HEATR4: variants seen among roughly 807,000 people sequenced by gnomAD.
HEATR4 encodes HEAT repeat-containing protein 4.
HEATR4 carries 95 observed loss-of-function variants against 108.8 expected under a neutral mutation model. The observed-to-expected ratio is 0.87, with a 90% CI of 0.74 to 1.04. The LOEUF (loss-of-function observed/expected upper bound fraction) is 1.04, where lower values mean the gene tolerates loss of function less well. Among genes scored for constraint, HEATR4 ranks in the 50% least tolerant of loss-of-function variants. The pLI, the probability that HEATR4 is intolerant of heterozygous loss-of-function variation, is 0.00. For synonymous variants in HEATR4, 443 were observed against 459.4 expected (o/e 0.96, Z 0.46); for missense variants, 1,152 against 1,253.8 (o/e 0.92, Z 1.23).
At chr14:73,516,736 G>A (rs1887624404) in intron 5 of HEATR4, among the ~76,000 whole-genome samples, 1 of 152,174 alleles carries the variant, frequency 6.6e-6, no homozygotes, top group African/African-American at 2.4e-5. Context: ...TTACCAGTGA[G>A]CTCTGCCTCC....
chr14:73,606,248 C>T, the HEATR4 span, among the ~76,000 whole-genome samples: 3 of 151,966 alleles, frequency 2.0e-5, no homozygotes, highest in Admixed American at 6.6e-5. Flanking sequence ...CCCAGCTACT[C>T]GGGAGGCTGA....
At chr14:73,569,250 A>C in the HEATR4 span, 1 of 1,613,576 alleles carries the variant, frequency 6.2e-7, no homozygotes, top group South Asian at 1.1e-5. Context: ...GATGTCTAAC[A>C]AGCTTCTTTC....
intron 2 of HEATR4, among the ~76,000 whole-genome samples, chr14:73,525,999 A>G (rs1045611950): frequency 6.6e-6 from 1 of 151,474 alleles, no homozygotes; most frequent in Non-Finnish European, 1.5e-5. Flanking sequence ...AAATCAGGTG[A>G]GTGATCACAG....
upstream of HEATR4, among the ~76,000 whole-genome samples, chr14:73,560,728 G>A (rs1889519521): frequency 6.6e-6 from 1 of 151,844 alleles, no homozygotes. Flanking sequence ...AAGGCAGGAG[G>A]ATCATTTGAG....
intron 2 of HEATR4, among the ~76,000 whole-genome samples, chr14:73,524,310 A>AAAAAAATATATATATATATATATATAT: frequency 1.8e-5 from 1 of 54,788 alleles, no homozygotes; most frequent in African/African-American, 8.8e-5. Flanking sequence ...AAAAAAAAAA[A>AAAAAAATATATATATATATATATATAT]ATATATATAT....
chr14:73,607,235 G>C, the HEATR4 span, among the ~76,000 whole-genome samples: 1 of 152,192 alleles, frequency 6.6e-6, no homozygotes, highest in Admixed American at 6.5e-5. Context: ...GCTTGAACCT[G>C]GGAAGCAGAG....
At chr14:73,496,081 G>A (rs1886090497) in intron 15 of HEATR4, among the ~76,000 whole-genome samples, 1 of 152,106 alleles carries the variant, frequency 6.6e-6, no homozygotes, top group Non-Finnish European at 1.5e-5. Flanking sequence ...AGTGAGCCAA[G>A]ATCACACCAC....
At chr14:73,528,601 C>A (rs1888509762) in intron 2 of HEATR4, among the ~76,000 whole-genome samples, 1 of 152,034 alleles carries the variant, frequency 6.6e-6, no homozygotes, top group Admixed American at 6.6e-5. Context: ...TTGTGCACTT[C>A]CCAGTCATGT....
the HEATR4 span, chr14:73,617,254 C>G: frequency 6.3e-7 from 1 of 1,597,108 alleles, no homozygotes; most frequent in African/African-American, 1.3e-5. Flanking sequence ...AGGGCTGAAT[C>G]CAAAAGCCCT....
chr14:73,618,058 G>A, the HEATR4 span, among the ~76,000 whole-genome samples: 1 of 151,918 alleles, frequency 6.6e-6, no homozygotes, highest in Non-Finnish European at 1.5e-5. Flanking sequence ...CAGGAGAATT[G>A]CTCGAACTCA....
the HEATR4 span, among the ~76,000 whole-genome samples, chr14:73,599,270 G>C: frequency 6.6e-6 from 1 of 152,102 alleles, no homozygotes; most frequent in Admixed American, 6.6e-5. Flanking sequence ...TGTCCAAACT[G>C]CAGATTTGTG....
chr14:73,571,774 T>C, the HEATR4 span: 1 of 152,092 alleles, frequency 6.6e-6, no homozygotes. Flanking sequence ...TTCTCATTTT[T>C]GCAACTTTTC....
At chr14:73,540,778 C>T (rs2140313134) in intron 1 of HEATR4, among the ~76,000 whole-genome samples, 1 of 105,928 alleles carries the variant, frequency 9.4e-6, no homozygotes, top group Non-Finnish European at 2.0e-5. Flanking sequence ...GTGTCTCGCT[C>T]TTTCGCCCAG....
chr14:73,513,576 A>G (rs778961680), intron 6 of HEATR4, among the ~76,000 whole-genome samples: 5 of 151,948 alleles, frequency 3.3e-5, no homozygotes, highest in Non-Finnish European at 7.4e-5. Flanking sequence ...AGATACAAAA[A>G]GTTAACCAAG....
At chr14:73,610,873 C>G in the HEATR4 span, 1 of 152,164 alleles carries the variant, frequency 6.6e-6, no homozygotes. Context: ...GGATGTCTTT[C>G]AATGCTTTAA....
At chr14:73,593,880 A>G in the HEATR4 span, 3 of 1,613,048 alleles carry the variant, frequency 1.9e-6, no homozygotes, top group African/African-American at 1.3e-5. Flanking sequence ...AAGAAGCCGT[A>G]TGCTACATGC....
intron 2 of HEATR4, among the ~76,000 whole-genome samples, chr14:73,523,800 G>A (rs1196461321): frequency 6.6e-6 from 1 of 152,054 alleles, no homozygotes; most frequent in Non-Finnish European, 1.5e-5. Context: ...GACCTATCCA[G>A]GCCACCAGGT....
At chr14:73,582,994 A>T in the HEATR4 span, 2 of 150,086 alleles carry the variant, frequency 1.3e-5, no homozygotes, top group Non-Finnish European at 2.9e-5. Context: ...TCAGCCACCA[A>T]TGAAACTGCT....
chr14:73,507,612 T>C (rs915115975), intron 9 of HEATR4, among the ~76,000 whole-genome samples: 26 of 152,022 alleles, frequency 1.7e-4, no homozygotes, highest in African/African-American at 5.1e-4. Flanking sequence ...TTTATTTCTT[T>C]TTTTGTAGAG....
Sources: gnomAD v4.1 joint callset for allele counts (sites outside exome capture counted in the v4.1 genomes callset) on GRCh38, gnomAD v4.1.1 for gene constraint, MANE v1.5 for transcripts, NCBI Gene and HGNC (gene_info 2026-07-23, HGNC 2026-07-21) for gene names.